INHBA: variants seen among roughly 807,000 people sequenced by gnomAD.
INHBA encodes the protein inhibin subunit beta A, also known as inhibin beta A chain.
In INHBA, 1 loss-of-function variant was observed where a neutral mutation model predicts 29.0. That is an observed-to-expected ratio of 0.03 (90% CI 0.01 to 0.16). The LOEUF is 0.16. Among genes scored for constraint, INHBA ranks in the 10% least tolerant of loss-of-function variants. INHBA has a pLI of 1.00. For missense variants in INHBA, 376 were observed against 545.4 expected (o/e 0.69, Z 3.09); for synonymous variants, 242 against 216.8 (o/e 1.12, Z -1.02).
In INHBA at chr7:41,690,372, C is replaced by G. The variant is rs1380653684; in HGVS notation, c.559G>C (p.Asp187His). ...ACTTCCTCGGCCTCTTCCCCTGTGT[C>G]CAAGCTGCCCTGCGGGTGCTTCTGC... ...QQQKHPQGSL[D>H]TGEEAEEVGL... The change falls in exon 3 of 3, where the codon GAC becomes CAC. Residue 187 changes from aspartate (D) to histidine (H), a missense_variant. Around this residue, in one of 4 missense-constraint regions of INHBA, gnomAD observed 253 missense variants for 313.4 expected, o/e 0.81. Transcript: ENST00000242208. 3.1e-6 allele frequency: 5 copies of G among 1,613,998 alleles called. No individual in the cohort carries two copies. The African/African-American group carries it at 6.7e-5, about 22-fold the overall frequency.
upstream of INHBA, among the ~76,000 whole-genome samples, chr7:41,705,063 G>A (rs2128672741): frequency 6.6e-6 from 1 of 152,296 alleles, no homozygotes; most frequent in African/African-American, 2.4e-5. Flanking sequence ...GGGTGGTGGA[G>A]GAAGCAGGCA....
rs1436458958 is a variant in INHBA at position 41,688,757 on chromosome 7, G to T, written c.*893C>A. The stretch of plus-strand genomic sequence containing the variant: ...CATTTACAAAATATAGAAATGTTTG[G>T]ATCCAACAGATGGACAAACATATTC... On this transcript the variant is annotated 3_prime_UTR_variant, in exon 3 of 3. Coordinates refer to ENST00000242208, the MANE Select transcript of INHBA (RefSeq NM_002192.4). 5.6e-6 allele frequency: 1 copy of T among 179,230 alleles called. No individual in the cohort carries two copies. Among genetic ancestry groups the T allele is most frequent in the Non-Finnish European group, 1.2e-5 (1 of 84,718 alleles). The allele number at this position is 179,230 out of a possible 1,614,324, so 11.1% of individuals were successfully genotyped here.
Position 41,689,802 on chromosome 7 carries a change from G to A in INHBA, c.1129C>T (p.Arg377Cys). The A allele has an allele frequency of 1.2e-6, 2 of 1,614,124 alleles. No homozygotes were observed. The highest frequency in any genetic ancestry group is 1.7e-6 in the Non-Finnish European group (2 of 1,180,030). The change falls in exon 3 of 3, where the codon CGC (arginine) becomes TGC (cysteine). Residue 377 changes from arginine (R) to cysteine (C), a missense_variant. This residue lies in a region of INHBA where 50 missense variants were observed against 137.9 expected (regional missense o/e 0.36). Coordinates refer to ENST00000242208, the MANE Select transcript of INHBA (RefSeq NM_002192.4). Reference protein sequence around the residue: ...SFHSTVINHYRMRGHSPFANL... With the variant: ...SFHSTVINHYCMRGHSPFANL... ...GCAAAGGGGCTATGGCCCCGCATGC[G>A]GTAGTGGTTGATGACTGTTGAGTGG...
chr7:41,699,874 C>T, intron 2 of INHBA, 113 bp downstream of exon 2: 2 of 792,048 alleles, frequency 2.5e-6, no homozygotes, highest in Non-Finnish European at 4.0e-6. Flanking sequence ...AATAACCTTC[C>T]CAGGCAGTTT....
At chr7:41,703,182 T>C (rs1375507978), upstream of INHBA, 1 of 152,242 alleles carries the variant, frequency 6.6e-6, no homozygotes, top group Non-Finnish European at 1.5e-5. Flanking sequence ...TTGGTTGGAA[T>C]CAGCATGACA....
At chr7:41,697,029 G>T (rs1372400210) in intron 2 of INHBA, among the ~76,000 whole-genome samples, 1 of 152,060 alleles carries the variant, frequency 6.6e-6, no homozygotes, top group Non-Finnish European at 1.5e-5. Context: ...AGACTTAGAG[G>T]TACATTATTA....
In INHBA at chr7:41,690,551, G is replaced by T; in HGVS notation, c.389-9C>A. The T allele has an allele frequency of 6.3e-7, 1 of 1,579,066 alleles. No homozygotes were observed. The highest frequency in any genetic ancestry group is 2.2e-5 in the East Asian group (1 of 44,566). On this transcript the variant is annotated splice_polypyrimidine_tract_variant and intron_variant, in intron 2 of 2. Transcript: ENST00000242208. ...CGTCTTCCTGGCTGTTCCTGAAGAT[G>T]AAAGACAGCATAAGAGAAAACAGGC...
rs980571220 is a variant in INHBA at position 41,690,234 on chromosome 7, G to C, written c.697C>G (p.Gln233Glu). ...VSSSIQRLLD[Q>E]GKSSLDVRIA... ...CGAACGTCCAGGGAGCTCTTGCCCT[G>C]GTCCAGCAACCGCTGGATGCTGCTG... The change falls in exon 3 of 3, where the codon CAG (glutamine) becomes GAG (glutamate). Residue 233 changes from glutamine to glutamate, a missense_variant. Physicochemically the swap from Gln to Glu is conservative, Grantham distance 29. This residue lies in a region of INHBA where 253 missense variants were observed against 313.4 expected (regional missense o/e 0.81). Coordinates refer to ENST00000242208, the MANE Select transcript of INHBA (RefSeq NM_002192.4). 6.2e-7 allele frequency: 1 copy of C among 1,613,884 alleles called. No homozygotes were observed. The highest frequency in any genetic ancestry group is 1.3e-5 in the African/African-American group (1 of 74,878).
At position 41,699,994 on chromosome 7, in the gene INHBA, G is replaced by A; in HGVS notation, c.381C>T (p.Ala127=). Residue 127 remains alanine (A), a synonymous_variant, in exon 2 of 3, where the codon GCC becomes GCT. Coordinates refer to ENST00000242208, the MANE Select transcript of INHBA (RefSeq NM_002192.4). ...GCCAATGCCAGCACCAACCTGACTC[G>A]GCAAACGTGATGATCTCCGAGGTCT... The part of the protein sequence containing the change: ...MEQTSEIITF[A]ESGTARKTLH... 6.7e-7 allele frequency: 1 copy of A among 1,502,904 alleles called. No individual in the cohort carries two copies. The highest frequency in any genetic ancestry group is 8.9e-7 in the Non-Finnish European group (1 of 1,121,394). 93.1% of individuals were successfully genotyped at this position (1,502,904 alleles called of 1,614,324 possible).
chr7:41,697,659 T>C (rs970161978), intron 2 of INHBA, among the ~76,000 whole-genome samples: 3 of 152,228 alleles, frequency 2.0e-5, no homozygotes, highest in Non-Finnish European at 4.4e-5. Context: ...TGCATTCCTT[T>C]TTCTATTCTC....
At chr7:41,701,625 C>G (rs1794797295) in intron 1 of INHBA, among the ~76,000 whole-genome samples, 1 of 152,192 alleles carries the variant, frequency 6.6e-6, no homozygotes, top group Non-Finnish European at 1.5e-5. Context: ...CCCACTCACT[C>G]TCACACATTA....
upstream of INHBA, among the ~76,000 whole-genome samples, chr7:41,703,741 T>C (rs1390236821): frequency 6.6e-6 from 1 of 150,376 alleles, no homozygotes; most frequent in African/African-American, 2.5e-5. Flanking sequence ...TTCCCAGGTC[T>C]TTAGAATCTC....
intron 2 of INHBA, among the ~76,000 whole-genome samples, chr7:41,696,187 C>G (rs1034831854): frequency 3.9e-5 from 6 of 152,190 alleles, no homozygotes; most frequent in Admixed American, 6.5e-5. Context: ...CTGGTGGAAA[C>G]TGTTGATAAG....
Position 41,689,495 on chromosome 7 carries a change from T to C in INHBA, c.*155A>G. The C allele has an allele frequency of 1.5e-6, 1 of 689,342 alleles. No individual in the cohort carries two copies. Among genetic ancestry groups the C allele is most frequent in the East Asian group, 3.1e-5 (1 of 32,126 alleles). 42.7% of individuals were successfully genotyped at this position (689,342 alleles called of 1,614,324 possible). On this transcript the variant is annotated 3_prime_UTR_variant, in exon 3 of 3. Transcript: ENST00000242208. Reference sequence around the variant, plus strand: ...TTCCTTCATCTGTTTCATCAGGTTTTGTTTTTAATTTACTTTTGTTTTTTT... The same window carrying C: ...TTCCTTCATCTGTTTCATCAGGTTTCGTTTTTAATTTACTTTTGTTTTTTT...
intron 2 of INHBA, chr7:41,692,294 T>A (rs1447387951): frequency 6.6e-6 from 1 of 152,134 alleles, no homozygotes; most frequent in Non-Finnish European, 1.5e-5. Context: ...TCTTAGAACT[T>A]GCAACTCCCT....
In INHBA at chr7:41,685,705, TA is replaced by T. The variant is rs1027148706; in HGVS notation, c.*3944del. 8.5e-5 allele frequency: 13 copies of T among 152,102 alleles called. No homozygotes were observed. Among genetic ancestry groups the T allele is most frequent in the African/African-American group, 2.9e-4 (12 of 41,432 alleles). The allele number at this position is 152,102 out of a possible 1,614,324, so 9.4% of individuals were successfully genotyped here. A position where few individuals can be genotyped will look rare whatever the true frequency, so the allele number is the denominator to read the frequency against. ...CAGAAGAAATGATTCACTTTATGCA[TA>T]AAAAATAAATAATAATATAGCTGAG... is the stretch of plus-strand genomic sequence containing the variant. On this transcript the variant is annotated 3_prime_UTR_variant, in exon 3 of 3. Transcript: ENST00000242208.
At chr7:41,692,122 C>G (rs920430992) in intron 2 of INHBA, 1 of 152,196 alleles carries the variant, frequency 6.6e-6, no homozygotes, top group Admixed American at 6.5e-5. Context: ...GGTATCCAAA[C>G]TAAAATTTTT....
intron 2 of INHBA, among the ~76,000 whole-genome samples, chr7:41,693,059 C>A (rs1390344489): frequency 6.6e-6 from 1 of 152,186 alleles, no homozygotes; most frequent in Non-Finnish European, 1.5e-5. Context: ...TAACAAGATA[C>A]CTGCTGTTTT....
Position 41,688,505 on chromosome 7 carries a change from G to GTA in INHBA, c.*1143_*1144dup, listed in dbSNP as rs1392411104. Reference sequence around the variant, plus strand: ...AAAGGCTCACACAAATGTCTTTGGTGTATGTGTCTATTTTTTAAGGTACAA... The same window carrying GTA: ...AAAGGCTCACACAAATGTCTTTGGTGTATATGTGTCTATTTTTTAAGGTACAA... On this transcript the variant is annotated 3_prime_UTR_variant, in exon 3 of 3. Transcript: ENST00000242208. The GTA allele has an allele frequency of 6.6e-6, 1 of 151,912 alleles. No homozygotes were observed. Among genetic ancestry groups the GTA allele is most frequent in the Non-Finnish European group, 1.5e-5 (1 of 67,976 alleles). The allele number at this position is 151,912 out of a possible 1,614,324, so 9.4% of individuals were successfully genotyped here.
Sources: gnomAD v4.1 joint callset for allele counts (sites outside exome capture counted in the v4.1 genomes callset) on GRCh38, gnomAD v4.1.1 for gene constraint, gnomAD v4.1.1 regional missense constraint, MANE v1.5 for transcripts, NCBI Gene and HGNC (gene_info 2026-07-23, HGNC 2026-07-21) for gene names.